GLIS3: variants seen among roughly 807,000 people sequenced by gnomAD.
The protein encoded by GLIS3 is zinc finger protein GLIS3.
Under a neutral mutation model 78.6 loss-of-function variants are expected in GLIS3, and 53 were observed. The ratio of observed to expected loss-of-function variants is 0.67; its 90% CI spans 0.54 to 0.85. The LOEUF is 0.85. Among genes scored for constraint, GLIS3 ranks in the 40% least tolerant of loss-of-function variants. GLIS3 has a pLI of 0.00. For missense variants in GLIS3, 1,703 were observed against 1,231.1 expected (o/e 1.38, Z -5.74); for synonymous variants, 684 against 509.9 (o/e 1.34, Z -4.60).
chr9:4,072,734 G>C (rs1012487364), intron 4 of GLIS3, among the ~76,000 whole-genome samples: 5 of 142,674 alleles, frequency 3.5e-5, no homozygotes, highest in African/African-American at 5.9e-5. Flanking sequence ...GCTTTCTAAA[G>C]AGAACTGTTT....
chr9:4,011,340 G>C (rs959302878), intron 4 of GLIS3, among the ~76,000 whole-genome samples: 2 of 152,176 alleles, frequency 1.3e-5, no homozygotes, highest in Admixed American at 6.5e-5. Context: ...TGTCCTCAAG[G>C]AGTTTGTGGT....
the GLIS3 span, among the ~76,000 whole-genome samples, chr9:4,419,627 AAAATTAGCCGGGCGTGGTGGTCCACGCCT>A: frequency 0.033 from 5,001 of 152,106 alleles, 282 homozygotes; most frequent in African/African-American, 0.11. Flanking sequence ...TAAAAATACA[AAAATTAGCCGGGCGTGGTGGTCCACGCCT>A]GTAGTCCCAG....
At chr9:4,137,214 T>G (rs996959028) in intron 2 of GLIS3, among the ~76,000 whole-genome samples, 3 of 152,176 alleles carry the variant, frequency 2.0e-5, no homozygotes, top group African/African-American at 7.2e-5. Flanking sequence ...GGCCATATAA[T>G]GTCTATTTGG....
rs564478360 is a variant in GLIS3 at position 4,267,457 on chromosome 9, G to A, written c.388+18581C>T. On this transcript the variant is annotated intron_variant, in intron 2 of 10. Transcript: ENST00000381971. ...TTAATTTCTGGATGTAGAAAAATAT[G>A]AAAGTAACAGCAAAAATAGAAAATG... Among the ~76,000 whole-genome samples, 7 of 152,272 alleles carry A rather than the reference G, an allele frequency of 4.6e-5. No individual in the cohort carries two copies. In the South Asian group the frequency reaches 1.4e-3, roughly 32 times the overall value.
chr9:4,099,895 C>T (rs1030291303), intron 4 of GLIS3, among the ~76,000 whole-genome samples: 6 of 152,164 alleles, frequency 3.9e-5, no homozygotes, highest in African/African-American at 1.4e-4. Context: ...AAAAGATTTA[C>T]ATCATAACAT....
At chr9:4,268,625 T>C (rs1230008142) in intron 2 of GLIS3, among the ~76,000 whole-genome samples, 1 of 152,212 alleles carries the variant, frequency 6.6e-6, no homozygotes, top group Non-Finnish European at 1.5e-5. Context: ...TATTCATAGG[T>C]ATAATCCCTG....
At chr9:4,372,446 G>C in the GLIS3 span, among the ~76,000 whole-genome samples, 1 of 151,318 alleles carries the variant, frequency 6.6e-6, no homozygotes, top group Non-Finnish European at 1.5e-5. Flanking sequence ...CTGTAAGCAT[G>C]TCTTCAACAT....
intron 4 of GLIS3, among the ~76,000 whole-genome samples, chr9:3,982,201 C>T (rs577115065): frequency 5.5e-4 from 84 of 151,726 alleles, no homozygotes; most frequent in African/African-American, 2.0e-3. Flanking sequence ...CAGGAGGTAC[C>T]TTTACCTCTC....
chr9:3,951,302 C>T (rs1261560741), intron 4 of GLIS3, among the ~76,000 whole-genome samples: 1 of 151,876 alleles, frequency 6.6e-6, no homozygotes, highest in Non-Finnish European at 1.5e-5. Context: ...AACTTAAGAA[C>T]ATACTGTATT....
chr9:4,405,969 T>G, the GLIS3 span, among the ~76,000 whole-genome samples: 1 of 152,024 alleles, frequency 6.6e-6, no homozygotes, highest in Non-Finnish European at 1.5e-5. Context: ...AAAATCCATA[T>G]GATCATTTCA....
Position 3,879,598 on chromosome 9 carries a change from G to A in GLIS3, c.2129-3C>T, listed in dbSNP as rs1821593127. 4 of 1,613,808 alleles carry A rather than the reference G, an allele frequency of 2.5e-6. No homozygotes were observed. The highest frequency in any genetic ancestry group is 1.3e-5 in the African/African-American group (1 of 74,900). ...ATAATTGCTGGAGAAAATGGGAGCT[G>A]AAATCAAGGGAGAACAAACATGAGA... On this transcript the variant is annotated splice_polypyrimidine_tract_variant and splice_region_variant and intron_variant, in intron 7 of 10. Coordinates refer to ENST00000381971, the MANE Select transcript of GLIS3 (RefSeq NM_001042413.2).
At chr9:4,255,588 T>C (rs1001034830) in intron 2 of GLIS3, among the ~76,000 whole-genome samples, 2 of 152,110 alleles carry the variant, frequency 1.3e-5, no homozygotes, top group African/African-American at 4.8e-5. Flanking sequence ...TAAATGCATA[T>C]TACTAAGTGA....
At chr9:4,419,428 T>G in the GLIS3 span, among the ~76,000 whole-genome samples, 2 of 152,166 alleles carry the variant, frequency 1.3e-5, no homozygotes, top group South Asian at 4.2e-4. Flanking sequence ...TCAGGAAACC[T>G]ACCACGAAGG....
upstream of GLIS3, among the ~76,000 whole-genome samples, chr9:4,349,768 T>G (rs531003856): frequency 2.0e-5 from 3 of 151,834 alleles, no homozygotes; most frequent in African/African-American, 7.3e-5. Context: ...AGGAAAAATA[T>G]CCGGGTACCA....
chr9:3,941,651 G>C (rs1369103085), intron 4 of GLIS3, among the ~76,000 whole-genome samples: 1 of 152,118 alleles, frequency 6.6e-6, no homozygotes, highest in African/African-American at 2.4e-5. Flanking sequence ...TGGCTTTGCG[G>C]ACACATATGG....
intron 2 of GLIS3, among the ~76,000 whole-genome samples, chr9:4,177,050 C>T (rs569887115): frequency 6.6e-6 from 1 of 152,330 alleles, no homozygotes; most frequent in Admixed American, 6.5e-5. Context: ...AAATTTACAC[C>T]ATCATTACCA....
At chr9:4,191,222 A>G (rs1818305199) in intron 2 of GLIS3, among the ~76,000 whole-genome samples, 2 of 151,948 alleles carry the variant, frequency 1.3e-5, no homozygotes, top group Admixed American at 1.3e-4. Context: ...TGCTCCAATT[A>G]AAAGACACAG....
At chr9:3,848,657 G>A (rs565105960) in intron 9 of GLIS3, among the ~76,000 whole-genome samples, 1 of 152,332 alleles carries the variant, frequency 6.6e-6, no homozygotes, top group Non-Finnish European at 1.5e-5. Flanking sequence ...AACTGAGGAA[G>A]AAGTTAGCTA....
chr9:4,383,790 T>G, the GLIS3 span, among the ~76,000 whole-genome samples: 1 of 152,264 alleles, frequency 6.6e-6, no homozygotes, highest in African/African-American at 2.4e-5. Flanking sequence ...TTGTGTTGAT[T>G]GACCACAAAC....
Sources: gnomAD v4.1 joint callset for allele counts (sites outside exome capture counted in the v4.1 genomes callset) on GRCh38, gnomAD v4.1.1 for gene constraint, MANE v1.5 for transcripts, NCBI Gene and HGNC (gene_info 2026-07-23, HGNC 2026-07-21) for gene names.